The following ABCA4 variants were observed in gnomAD, a reference collection of about 807,000 sequenced individuals.
The protein encoded by ABCA4 is retinal-specific phospholipid-transporting ATPase ABCA4.
ABCA4 carries 196 observed loss-of-function variants against 263.7 expected under a neutral mutation model. The observed-to-expected ratio is 0.74, with a 90% CI of 0.66 to 0.84. The LOEUF (loss-of-function observed/expected upper bound fraction) is 0.84, where lower values mean the gene tolerates loss of function less well. Among genes scored for constraint, ABCA4 ranks in the 40% least tolerant of loss-of-function variants. The pLI is 0.00. For synonymous variants in ABCA4, 1,133 were observed against 1,094.2 expected, an observed-to-expected ratio of 1.04 and a Z score of -0.70; for missense variants, 2,792 against 2,855.1, an observed-to-expected ratio of 0.98 and a Z score of 0.50.
At chr1:94,114,419 G>A (rs547414908) in intron 1 of ABCA4, among the ~76,000 whole-genome samples, 29 of 152,244 alleles carry the variant, frequency 1.9e-4, no homozygotes, top group African/African-American at 6.7e-4. Context: ...ATATAGGGAG[G>A]ATGTGTTGGA....
At chr1:94,061,096 G>A (rs763287128) in intron 13 of ABCA4, among the ~76,000 whole-genome samples, 1 of 152,180 alleles carries the variant, frequency 6.6e-6, no homozygotes, top group Non-Finnish European at 1.5e-5. Context: ...TGATGTGGAT[G>A]GGATCTGAGT....
In ABCA4 at chr1:93,995,762, C is replaced by T. The variant is rs7521107; in HGVS notation, c.6816+347G>A. 9.4e-3 allele frequency among the ~76,000 whole-genome samples: 1,428 copies of T among 152,348 alleles called. 27 individuals are homozygous for T. The highest frequency in any genetic ancestry group is 0.033 in the African/African-American group (1,369 of 41,576). ...CAAAACATTCTAATATTCTCTATTA[C>T]CTTCTCTGCTCCTTATTCCCCAAAT... is the stretch of plus-strand genomic sequence containing the variant. On this transcript the variant is annotated intron_variant, in intron 49 of 49. Coordinates refer to ENST00000370225, the MANE Select transcript of ABCA4 (RefSeq NM_000350.3).
chr1:94,008,397 C>A, intron 41 of ABCA4, 100 bp from the exon 42 acceptor site: 1 of 1,219,046 alleles, frequency 8.2e-7, no homozygotes, highest in East Asian at 2.3e-5. Context: ...AGAAAACTAC[C>A]AGCACTAGGA....
At chr1:94,077,500 G>A (rs1661566542) in intron 11 of ABCA4, among the ~76,000 whole-genome samples, 190 bp downstream of exon 11, 1 of 152,240 alleles carries the variant, frequency 6.6e-6, no homozygotes, top group Admixed American at 6.5e-5. Context: ...ACCGTTTTCA[G>A]CATAGATAAG....
At chr1:94,087,604 A>G (rs1395381854) in intron 6 of ABCA4, among the ~76,000 whole-genome samples, 2 of 152,188 alleles carry the variant, frequency 1.3e-5, no homozygotes, top group Admixed American at 6.5e-5. Context: ...GATGACAGGC[A>G]TATGCTGGGG....
rs80115052 is a variant in ABCA4, at chr1:94,008,978, C to T, written c.5715-107G>A. ...TTCCTTGCTTCTGCTTCCTTCTGGG[C>T]TTCCATCCTTTAAGACTTAAATTCT... On this transcript the variant is annotated intron_variant, in intron 40 of 49. Coordinates refer to ENST00000370225, the MANE Select transcript of ABCA4 (RefSeq NM_000350.3). The T allele has an allele frequency of 1.6e-3, 2,347 of 1,500,298 alleles. 38 individuals are homozygous for T. The African/African-American group carries it at 0.03, about 19-fold the overall frequency. 92.9% of individuals were successfully genotyped at this position (1,500,298 alleles called of 1,614,324 possible). A position where few individuals can be genotyped will look rare whatever the true frequency, so the allele number is the denominator to read the frequency against.
intron 47 of ABCA4, among the ~76,000 whole-genome samples, chr1:94,000,010 A>G (rs1223421156): frequency 6.6e-6 from 1 of 152,220 alleles, no homozygotes; most frequent in Non-Finnish European, 1.5e-5. Context: ...TCAATTATTT[A>G]TCTGCTCTGA....
At chr1:94,021,583 A>T in intron 34 of ABCA4, 57 bp downstream of exon 34, 1 of 1,540,194 alleles carries the variant, frequency 6.5e-7, no homozygotes, top group Admixed American at 1.7e-5. Flanking sequence ...GTAAAAATAA[A>T]ATAACCAGCT....
rs185729337 is a variant in ABCA4, at chr1:94,098,987, G to A, written c.575C>T (p.Ala192Val). ...INSQVRPEQF[A>V]HGVPDLALKD... Reference sequence around the variant, plus strand: ...CAGCGCCAGGTCCGGGACTCCATGAGCGAACTGCAGGGAGAAGAGGCAACA... The same window carrying A: ...CAGCGCCAGGTCCGGGACTCCATGAACGAACTGCAGGGAGAAGAGGCAACA... Residue 192 changes from alanine (A) to valine (V), a missense_variant, in exon 6 of 50, where the codon GCT (alanine) becomes GTT (valine). Transcript: ENST00000370225. The A allele has an allele frequency of 6.9e-5, 111 of 1,606,280 alleles. 1 individual carries two copies. In the East Asian group the frequency reaches 2.4e-3, roughly 34 times the overall value.
At chr1:94,110,163 T>C (rs1662564487) in intron 3 of ABCA4, among the ~76,000 whole-genome samples, 2 of 152,190 alleles carry the variant, frequency 1.3e-5, no homozygotes, top group African/African-American at 2.4e-5. Context: ...GCAATATGAG[T>C]CCTGCTAAAT....
intron 47 of ABCA4, 52 bp from the exon 48 acceptor site, chr1:93,998,162 G>C: frequency 6.2e-7 from 1 of 1,613,096 alleles, no homozygotes; most frequent in Non-Finnish European, 8.5e-7. Context: ...TTGGGCCTAA[G>C]GTAATCCCAA....
intron 43 of ABCA4, 73 bp downstream of exon 43, chr1:94,007,561 G>A: frequency 7.3e-7 from 1 of 1,362,634 alleles, no homozygotes; most frequent in Non-Finnish European, 1.1e-6. Flanking sequence ...TATAGGGTCT[G>A]ATGATCACCC....
intron 30 of ABCA4, among the ~76,000 whole-genome samples, chr1:94,028,968 G>A (rs536091335): frequency 1.4e-5 from 2 of 138,154 alleles, no homozygotes; most frequent in Non-Finnish European, 3.1e-5. Flanking sequence ...GATATTAAAA[G>A]TGATGCAGAT....
chr1:94,087,098 C>T (rs1661852345), intron 6 of ABCA4, among the ~76,000 whole-genome samples: 1 of 152,168 alleles, frequency 6.6e-6, no homozygotes, highest in Admixed American at 6.5e-5. Flanking sequence ...GGGCACTAAT[C>T]CCAGTCATGA....
chr1:94,044,433 C>T (rs1170439204), intron 20 of ABCA4, among the ~76,000 whole-genome samples, 180 bp downstream of exon 20: 1 of 152,196 alleles, frequency 6.6e-6, no homozygotes, highest in African/African-American at 2.4e-5. Context: ...GTCCCATATT[C>T]TCAGGGACAA....
intron 21 of ABCA4, 87 bp from the exon 22 acceptor site, chr1:94,042,985 C>T (rs1434231630): frequency 3.8e-6 from 6 of 1,567,114 alleles, no homozygotes; most frequent in Non-Finnish European, 5.3e-6. Flanking sequence ...TGTGGGGGTA[C>T]CTTAACCCAG....
Position 94,007,708 on chromosome 1 carries a change from G to C in ABCA4, c.5931C>G (p.Gly1977=). The C allele has an allele frequency of 6.2e-7, 1 of 1,613,992 alleles. No individual in the cohort carries two copies. Among genetic ancestry groups the C allele is most frequent in the Non-Finnish European group, 8.5e-7 (1 of 1,180,004 alleles). The change falls in exon 43 of 50, where the codon GGC becomes GGG. Residue 1977 remains glycine, a synonymous_variant. Coordinates refer to ENST00000370225, the MANE Select transcript of ABCA4 (RefSeq NM_000350.3). The stretch of plus-strand genomic sequence containing the variant: ...TGAGCATCTTGAATGTGGTTGTTTT[G>C]CCGGCACCATTCACTCCCAGGAGGC... ...CFGLLGVNGA[G]KTTTFKMLTG... is the part of the protein sequence containing the mutation.
At chr1:94,057,087 TC>T (rs1553192067) in intron 14 of ABCA4, among the ~76,000 whole-genome samples, 1 of 152,138 alleles carries the variant, frequency 6.6e-6, no homozygotes, top group Non-Finnish European at 1.5e-5. Context: ...TGTTCCTACA[TC>T]AGCAAACCAA....
intron 16 of ABCA4, among the ~76,000 whole-genome samples, chr1:94,052,940 G>A (rs1660879220): frequency 1.3e-5 from 2 of 152,106 alleles, no homozygotes; most frequent in Admixed American, 1.3e-4. Context: ...CAGTTTCTGG[G>A]GACTGGTCAC....
Sources: allele counts gnomAD v4.1 joint callset (sites outside exome capture counted in the v4.1 genomes callset), GRCh38; gene constraint gnomAD v4.1.1; transcripts MANE v1.5; gene names NCBI Gene and HGNC (gene_info 2026-07-23, HGNC 2026-07-21).